The following SYNDIG1 variants were observed in gnomAD, a reference collection of about 807,000 sequenced individuals.
The protein encoded by SYNDIG1 is synapse differentiation-inducing gene protein 1.
SYNDIG1 carries 9 observed loss-of-function variants against 19.4 expected under a neutral mutation model. The ratio of observed to expected loss-of-function variants is 0.46; its 90% CI spans 0.28 to 0.81. SYNDIG1 has a LOEUF of 0.81. Ranked by LOEUF, SYNDIG1 falls within the 30% of genes least tolerant of loss-of-function variation. The pLI, the probability that SYNDIG1 is intolerant of heterozygous loss-of-function variation, is 0.12. For missense variants in SYNDIG1, 311 were observed against 343.3 expected (o/e 0.91, Z 0.74); for synonymous variants, 141 against 145.9 (o/e 0.97, Z 0.24).
At chr20:24,526,291 A>AT (rs61468241) in intron 1 of SYNDIG1, among the ~76,000 whole-genome samples, 4,235 of 151,206 alleles carry the variant, frequency 0.028, 193 homozygotes, top group African/African-American at 0.097. Context: ...TTTATGTTTC[A>AT]TTTTTTTCTT....
chr20:24,537,614 T>A (rs2057387674), intron 1 of SYNDIG1, among the ~76,000 whole-genome samples: 1 of 152,176 alleles, frequency 6.6e-6, no homozygotes, highest in Admixed American at 6.5e-5. Flanking sequence ...TCAGAGATGG[T>A]CAGAGATGAC....
At chr20:24,485,082 T>G (rs981302195) in intron 1 of SYNDIG1, among the ~76,000 whole-genome samples, 3 of 147,576 alleles carry the variant, frequency 2.0e-5, no homozygotes, top group African/African-American at 8.1e-5. Flanking sequence ...GTCTCTGCCA[T>G]GTTATGATGC....
rs141535592 is a variant in SYNDIG1 at position 24,492,958 on chromosome 20, T to A, written c.-79+23205T>A. 3.2e-4 allele frequency among the ~76,000 whole-genome samples: 49 copies of A among 152,394 alleles called. No homozygotes were observed. In the East Asian group the frequency reaches 9.2e-3, roughly 29 times the overall value. On this transcript the variant is annotated intron_variant, in intron 1 of 3. Transcript: ENST00000376862. The stretch of plus-strand genomic sequence containing the variant: ...ATTGAAGCATTGGTGGTGATGATCC[T>A]GTTGTGCTAATTTCACTAATGACTG...
At chr20:24,491,096 C>T (rs915546036) in intron 1 of SYNDIG1, among the ~76,000 whole-genome samples, 6 of 152,142 alleles carry the variant, frequency 3.9e-5, no homozygotes, top group African/African-American at 7.2e-5. Flanking sequence ...CGTGCAATAA[C>T]CCTTATGGGA....
chr20:24,598,207 G>A (rs768361635), intron 3 of SYNDIG1, among the ~76,000 whole-genome samples: 156 of 152,296 alleles, frequency 1.0e-3, no homozygotes, highest in Non-Finnish European at 1.7e-3. Context: ...AGGGCTTGCC[G>A]CCATGCACTC....
At chr20:24,639,277 G>A (rs6049826) in intron 3 of SYNDIG1, among the ~76,000 whole-genome samples, 126 of 152,304 alleles carry the variant, frequency 8.3e-4, no homozygotes, top group African/African-American at 2.9e-3. Context: ...GCATGAACCA[G>A]GTGCATGTGC....
intron 1 of SYNDIG1, among the ~76,000 whole-genome samples, chr20:24,529,520 G>T (rs1459200620): frequency 6.6e-6 from 1 of 152,226 alleles, no homozygotes; most frequent in Non-Finnish European, 1.5e-5. Context: ...ATATGTGCAT[G>T]AATGGTTGTG....
chr20:24,590,905 C>A (rs1347752317), intron 3 of SYNDIG1, among the ~76,000 whole-genome samples: 1 of 152,094 alleles, frequency 6.6e-6, no homozygotes, highest in Non-Finnish European at 1.5e-5. Context: ...GGAGCGGACT[C>A]CAGAGCAAGA....
rs370023608 is a variant in SYNDIG1 at position 24,560,059 on chromosome 20, T to C, written c.480+16482T>C. ...TTTTTTTTTTTTAACATTTCTCTCCTCTCCTTTTTTTTTTTTTTTTTTTTT... is the reference window on the plus strand; with the variant it reads ...TTTTTTTTTTTTAACATTTCTCTCCCCTCCTTTTTTTTTTTTTTTTTTTTT... On this transcript the variant is annotated intron_variant, in intron 2 of 3. Transcript: ENST00000376862. 7.3e-4 allele frequency among the ~76,000 whole-genome samples: 91 copies of C among 125,106 alleles called. 1 individual carries two copies. Among genetic ancestry groups the C allele is most frequent in the African/African-American group, 2.7e-3 (87 of 32,142 alleles). 82.1% of individuals were successfully genotyped at this position (125,106 alleles called of 152,430 possible).
At chr20:24,559,134 T>C (rs1204554726) in intron 2 of SYNDIG1, among the ~76,000 whole-genome samples, 1 of 152,160 alleles carries the variant, frequency 6.6e-6, no homozygotes, top group Non-Finnish European at 1.5e-5. Flanking sequence ...TATATATATA[T>C]ATACACAATG....
intron 2 of SYNDIG1, among the ~76,000 whole-genome samples, chr20:24,582,207 G>T: frequency 9.8e-6 from 1 of 102,100 alleles, no homozygotes. Flanking sequence ...CCTGCCCCCT[G>T]CACTTCCTCC....
chr20:24,619,853 T>G (rs1319021347), intron 3 of SYNDIG1, among the ~76,000 whole-genome samples: 1 of 152,168 alleles, frequency 6.6e-6, no homozygotes, highest in Non-Finnish European at 1.5e-5. Flanking sequence ...TATCTTCCAT[T>G]TGAGTGGCAT....
chr20:24,628,107 G>A lies in SYNDIG1; in HGVS notation c.619-37239G>A, dbSNP rs376701731. Among the ~76,000 whole-genome samples, 163 of 152,304 alleles carry A rather than the reference G, an allele frequency of 1.1e-3. 1 individual carries two copies. The highest frequency in any genetic ancestry group is 3.4e-3 in the African/African-American group (140 of 41,566). ...GAGGAAGCTGGTGAGCTGTGAGTACGGCTCGCTCTCCGGGGCATCCCCTGC... is the reference window on the plus strand; with the variant it reads ...GAGGAAGCTGGTGAGCTGTGAGTACAGCTCGCTCTCCGGGGCATCCCCTGC... On this transcript the variant is annotated intron_variant, in intron 3 of 3. Coordinates refer to ENST00000376862, the MANE Select transcript of SYNDIG1 (RefSeq NM_024893.3).
At chr20:24,608,233 T>C (rs940538144) in intron 3 of SYNDIG1, among the ~76,000 whole-genome samples, 4 of 151,948 alleles carry the variant, frequency 2.6e-5, no homozygotes, top group African/African-American at 9.7e-5. Context: ...TCACCCAGTC[T>C]GGAGTGCAGT....
chr20:24,581,491 T>C (rs1177059112), intron 2 of SYNDIG1, among the ~76,000 whole-genome samples: 2 of 152,048 alleles, frequency 1.3e-5, no homozygotes, highest in African/African-American at 4.8e-5. Context: ...GTCTTGGACA[T>C]GGGTTGGTTT....
intron 2 of SYNDIG1, among the ~76,000 whole-genome samples, chr20:24,549,127 T>G (rs2057651197): frequency 6.6e-6 from 1 of 152,146 alleles, no homozygotes; most frequent in Non-Finnish European, 1.5e-5. Context: ...ATTTTTCAAC[T>G]GTTTTCATGC....
chr20:24,622,894 C>T (rs1011078991), intron 3 of SYNDIG1, among the ~76,000 whole-genome samples: 10 of 151,600 alleles, frequency 6.6e-5, no homozygotes, highest in Admixed American at 2.0e-4. Flanking sequence ...CAAAAACAAA[C>T]CAACAACAAC....
chr20:24,529,954 C>CTGG (rs1568614624), intron 1 of SYNDIG1, among the ~76,000 whole-genome samples: 18 of 1,862 alleles, frequency 9.7e-3, no homozygotes, highest in South Asian at 0.043. Flanking sequence ...GTGATGGTGT[C>CTGG]AGTGTTGGGA....
intron 2 of SYNDIG1, among the ~76,000 whole-genome samples, chr20:24,581,930 C>T (rs1322088773): frequency 6.6e-6 from 1 of 151,688 alleles, no homozygotes; most frequent in Non-Finnish European, 1.5e-5. Flanking sequence ...TGTACGTCCT[C>T]CCACCTGCAC....
Sources: allele counts gnomAD v4.1 joint callset (sites outside exome capture counted in the v4.1 genomes callset), GRCh38; gene constraint gnomAD v4.1.1; transcripts MANE v1.5; gene names NCBI Gene and HGNC (gene_info 2026-07-23, HGNC 2026-07-21).